Variants in BAZ2B observed in about 807,000 individuals in gnomAD.
The protein encoded by BAZ2B is bromodomain adjacent to zinc finger domain protein 2B.
A neutral mutation model predicts 246.0 loss-of-function variants in BAZ2B; 91 were observed. The observed-to-expected ratio is 0.37, with a 90% CI of 0.31 to 0.44. BAZ2B has a LOEUF of 0.44. Among genes scored for constraint, BAZ2B ranks in the 20% least tolerant of loss-of-function variants. The probability of loss-of-function intolerance (pLI) is 1.00; values close to 1 mark genes in which losing one functional copy is unlikely to be tolerated. For synonymous variants in BAZ2B, 855 were observed against 860.0 expected (o/e 0.99, Z 0.10); for missense variants, 2,332 against 2,533.7 (o/e 0.92, Z 1.71).
At chr2:159,339,257 G>T (rs1047651574) in intron 31 of BAZ2B, among the ~76,000 whole-genome samples, 1 of 151,984 alleles carries the variant, frequency 6.6e-6, no homozygotes, top group Non-Finnish European at 1.5e-5. Flanking sequence ...TAAATATACG[G>T]CACTGAGACG....
intron 2 of BAZ2B, among the ~76,000 whole-genome samples, chr2:159,516,957 T>C (rs916262790): frequency 4.6e-5 from 7 of 152,056 alleles, no homozygotes; most frequent in African/African-American, 1.7e-4. Flanking sequence ...GAATAACTGC[T>C]CAAAAACCTG....
intron 3 of BAZ2B, among the ~76,000 whole-genome samples, chr2:159,464,983 A>G (rs1210608364): frequency 6.6e-6 from 1 of 152,248 alleles, no homozygotes; most frequent in Non-Finnish European, 1.5e-5. Flanking sequence ...AACATAAATT[A>G]TTACAATCAG....
intron 2 of BAZ2B, among the ~76,000 whole-genome samples, chr2:159,531,283 A>T (rs1451153927): frequency 6.6e-6 from 1 of 152,100 alleles, no homozygotes; most frequent in Non-Finnish European, 1.5e-5. Flanking sequence ...GGTTTTTAGC[A>T]CACTGTTAGG....
At chr2:159,508,430 C>A (rs1015508071) in intron 2 of BAZ2B, among the ~76,000 whole-genome samples, 1 of 152,116 alleles carries the variant, frequency 6.6e-6, no homozygotes, top group African/African-American at 2.4e-5. Context: ...TAGTTTGTTA[C>A]AATTATATGC....
At chr2:159,392,391 T>C (rs577122965) in intron 20 of BAZ2B, among the ~76,000 whole-genome samples, 1 of 152,196 alleles carries the variant, frequency 6.6e-6, no homozygotes, top group East Asian at 1.9e-4. Flanking sequence ...TCAGACATGG[T>C]AGTACTTCTT....
At chr2:159,637,019 T>TG in the BAZ2B span, among the ~76,000 whole-genome samples, 7 of 152,248 alleles carry the variant, frequency 4.6e-5, no homozygotes, top group Middle Eastern at 6.8e-3. Flanking sequence ...AAAGAGTCCT[T>TG]GGGCCCTGAA....
In BAZ2B at chr2:159,438,463, G is replaced by T. The variant is rs759249025; in HGVS notation, c.1133C>A (p.Thr378Lys). 6 of 1,614,098 alleles carry T rather than the reference G, an allele frequency of 3.7e-6. No homozygotes were observed. Among genetic ancestry groups the T allele is most frequent in the Middle Eastern group, 1.6e-4 (1 of 6,062 alleles). ...VNKHTSVIQS[T>K]GLVSNVKPLS... Reference sequence around the variant, plus strand: ...AGGTTTCACATTGGACACCAATCCCGTAGACTGTATTACACTGGTGTGTTT... The same window carrying T: ...AGGTTTCACATTGGACACCAATCCCTTAGACTGTATTACACTGGTGTGTTT... Residue 378 changes from threonine (T) to lysine (K), a missense_variant, in exon 8 of 37, where the codon ACG becomes AAG. Coordinates refer to ENST00000392783, the MANE Select transcript of BAZ2B (RefSeq NM_013450.4).
intron 1 of BAZ2B, among the ~76,000 whole-genome samples, chr2:159,601,882 A>G (rs1692242628): frequency 1.3e-5 from 2 of 152,240 alleles, no homozygotes; most frequent in African/African-American, 4.8e-5. Context: ...CATTGCAAAT[A>G]GTAGTCAGCT....
chr2:159,600,978 G>T (rs1691991080), intron 1 of BAZ2B, among the ~76,000 whole-genome samples: 3 of 151,774 alleles, frequency 2.0e-5, no homozygotes. Flanking sequence ...GGATTACAGA[G>T]AGTCATTCTC....
the BAZ2B span, among the ~76,000 whole-genome samples, chr2:159,623,963 A>G: frequency 1.1e-3 from 169 of 152,352 alleles, 1 homozygote; most frequent in African/African-American, 4.0e-3. Flanking sequence ...TCTTGGTGCC[A>G]GCACAGCAGT....
chr2:159,322,994 C>CTT (rs71406166), intron 36 of BAZ2B, among the ~76,000 whole-genome samples: 25 of 137,248 alleles, frequency 1.8e-4, no homozygotes, highest in East Asian at 6.2e-4. Context: ...GATTTTGTAG[C>CTT]TTTTTTTTTT....
At chr2:159,690,137 A>G in the BAZ2B span, 6 of 497,008 alleles carry the variant, frequency 1.2e-5, no homozygotes, top group Non-Finnish European at 2.1e-5. Context: ...ATGACTCTTG[A>G]GGCCATCAGA....
At chr2:159,611,519 G>T (rs1458429601) in intron 1 of BAZ2B, among the ~76,000 whole-genome samples, 1 of 151,880 alleles carries the variant, frequency 6.6e-6, no homozygotes, top group East Asian at 1.9e-4. Context: ...AAAGGAAAGG[G>T]TCCCTATAAA....
the BAZ2B span, among the ~76,000 whole-genome samples, chr2:159,625,065 GAAGA>G: frequency 6.6e-6 from 1 of 151,958 alleles, no homozygotes; most frequent in Non-Finnish European, 1.5e-5. Flanking sequence ...TGATCAAGCA[GAAGA>G]AAGGATATCA....
intron 2 of BAZ2B, among the ~76,000 whole-genome samples, chr2:159,479,052 A>G (rs558088764): frequency 2.8e-4 from 42 of 152,246 alleles, no homozygotes; most frequent in African/African-American, 9.6e-4. Context: ...ACCTCACATC[A>G]GTTCACTTGC....
At chr2:159,567,678 C>T (rs1356679679) in intron 1 of BAZ2B, among the ~76,000 whole-genome samples, 6 of 151,948 alleles carry the variant, frequency 3.9e-5, no homozygotes, top group South Asian at 2.1e-4. Flanking sequence ...TAAAATATTA[C>T]AATTTAAAAA....
At chr2:159,468,271 A>T (rs138900974) in intron 3 of BAZ2B, among the ~76,000 whole-genome samples, 447 of 152,326 alleles carry the variant, frequency 2.9e-3, no homozygotes, top group African/African-American at 0.01. Context: ...AGCCCAAAGC[A>T]GGCAGAGCAA....
At chr2:159,689,752 G>T in the BAZ2B span, 38 of 480,538 alleles carry the variant, frequency 7.9e-5, no homozygotes, top group Admixed American at 1.8e-4. Flanking sequence ...TTCCAATGTT[G>T]TCTGGAATCA....
chr2:159,546,448 A>G (rs2087366425), intron 2 of BAZ2B, among the ~76,000 whole-genome samples: 1 of 148,830 alleles, frequency 6.7e-6, no homozygotes, highest in Non-Finnish European at 1.5e-5. Context: ...TAAATTGCCC[A>G]GTCTCGGGTA....
Sources: allele counts gnomAD v4.1 joint callset (sites outside exome capture counted in the v4.1 genomes callset), GRCh38; gene constraint gnomAD v4.1.1; transcripts MANE v1.5; gene names NCBI Gene and HGNC (gene_info 2026-07-23, HGNC 2026-07-21).